CSMD1: variants seen among roughly 807,000 people sequenced by gnomAD.
CSMD1 encodes the protein CUB and Sushi multiple domains 1, also known as CUB and sushi domain-containing protein 1.
In CSMD1, 213 loss-of-function variants were observed where a neutral mutation model predicts 417.5. The ratio of observed to expected loss-of-function variants is 0.51; its 90% confidence interval spans 0.46 to 0.57. CSMD1 has a LOEUF of 0.57. Ranked by LOEUF, CSMD1 falls within the 20% of genes least tolerant of loss-of-function variation. CSMD1 has a pLI of 0.00. For synonymous variants in CSMD1, 2,862 were observed against 1,736.8 expected (o/e 1.65, Z -16.11); for missense variants, 6,923 against 4,529.7 (o/e 1.53, Z -15.17).
intron 2 of CSMD1, among the ~76,000 whole-genome samples, chr8:4,604,410 T>TGTGTGTGTGTGTGTGTGC (rs59349269): frequency 3.6e-4 from 53 of 146,226 alleles, no homozygotes; most frequent in African/African-American, 1.3e-3. Flanking sequence ...TGTGTGTGTG[T>TGTGTGTGTGTGTGTGTGC]GCGCGTGCGT....
Position 3,259,811 on chromosome 8 carries a change from G to T in CSMD1, c.4153+24333C>A, listed in dbSNP as rs188308855. ...ATCTGGCCCATCAGCTAGTATTGTA[G>T]CTTGAAAGCTAAGAATGGTTTTACA... On this transcript the variant is annotated intron_variant, in intron 26 of 69. Coordinates refer to ENST00000635120, the MANE Select transcript of CSMD1 (RefSeq NM_033225.6). Among the ~76,000 whole-genome samples the T allele has an allele frequency of 5.5e-3, 841 of 152,188 alleles. 4 individuals carry two copies. The highest frequency in any genetic ancestry group is 9.6e-3 in the Non-Finnish European group (650 of 68,008).
chr8:3,537,214 TAGTC>T (rs1422079616), intron 10 of CSMD1, among the ~76,000 whole-genome samples: 2 of 152,082 alleles, frequency 1.3e-5, no homozygotes. Flanking sequence ...TTGGCCAAGA[TAGTC>T]AGTCTCGATC....
chr8:3,905,894 T>G (rs1808074322), intron 5 of CSMD1, among the ~76,000 whole-genome samples: 1 of 152,170 alleles, frequency 6.6e-6, no homozygotes, highest in South Asian at 2.1e-4. Flanking sequence ...CTCTTACTAT[T>G]TATTTGCTCC....
chr8:4,966,013 A>G (rs1386923741), intron 1 of CSMD1, among the ~76,000 whole-genome samples: 8 of 152,126 alleles, frequency 5.3e-5, no homozygotes, highest in Non-Finnish European at 1.2e-4. Flanking sequence ...ACTGAAGGAT[A>G]CTTTATGATA....
chr8:3,598,808 T>C (rs1801216114), intron 8 of CSMD1, among the ~76,000 whole-genome samples: 1 of 152,030 alleles, frequency 6.6e-6, no homozygotes. Context: ...TTGGGCCAGG[T>C]GCAGTGACTC....
intron 60 of CSMD1, 137 bp downstream of exon 60, chr8:2,963,085 G>T: frequency 1.1e-6 from 1 of 928,850 alleles, no homozygotes; most frequent in Non-Finnish European, 1.6e-6. Flanking sequence ...ACAGTCTCAA[G>T]TTTGAGTTTT....
chr8:4,382,108 T>A (rs1318110253), intron 3 of CSMD1, among the ~76,000 whole-genome samples: 14 of 152,200 alleles, frequency 9.2e-5, no homozygotes, highest in Non-Finnish European at 2.1e-4. Flanking sequence ...CTGTAATTAA[T>A]ATAGAATGCA....
intron 5 of CSMD1, among the ~76,000 whole-genome samples, chr8:3,989,298 A>C (rs182196320): frequency 6.6e-6 from 1 of 152,338 alleles, no homozygotes; most frequent in East Asian, 1.9e-4. Context: ...CCAAGACTAC[A>C]GCCTAAGTCT....
intron 1 of CSMD1, among the ~76,000 whole-genome samples, chr8:4,954,997 A>T (rs6558947): frequency 0.35 from 53,607 of 152,200 alleles, 9,620 homozygotes; most frequent in Non-Finnish European, 0.39. Flanking sequence ...TGGGTTTTCA[A>T]TGTTCTTTCT....
chr8:3,740,343 T>G (rs1482195885), intron 6 of CSMD1, among the ~76,000 whole-genome samples: 1 of 152,222 alleles, frequency 6.6e-6, no homozygotes, highest in Non-Finnish European at 1.5e-5. Flanking sequence ...TTAACTCAAA[T>G]GATCCGCCTT....
intron 21 of CSMD1, among the ~76,000 whole-genome samples, chr8:3,354,889 G>GT: frequency 7.1e-6 from 1 of 140,928 alleles, no homozygotes; most frequent in East Asian, 2.1e-4. Flanking sequence ...CTATAGATAT[G>GT]TCTATCTATA....
rs73178376 is a variant in CSMD1, at chr8:4,147,378, C to G, written c.416-115279G>C. Among the ~76,000 whole-genome samples the G allele has an allele frequency of 5.3e-3, 801 of 152,202 alleles. 5 individuals carry two copies. The highest frequency in any genetic ancestry group is 0.014 in the Middle Eastern group (4 of 294). On this transcript the variant is annotated intron_variant, in intron 3 of 69. Coordinates refer to ENST00000635120, the MANE Select transcript of CSMD1 (RefSeq NM_033225.6). ...TCCCTCAGTCCTCAGTGGCTGTGCT[C>G]TCCTCCACACTGCCTTCCCCACATG...
intron 50 of CSMD1, among the ~76,000 whole-genome samples, chr8:3,034,898 G>T (rs1006687837): frequency 6.6e-6 from 1 of 152,166 alleles, no homozygotes; most frequent in African/African-American, 2.4e-5. Flanking sequence ...GAACATCACA[G>T]AAGGCAAAGC....
intron 3 of CSMD1, among the ~76,000 whole-genome samples, chr8:4,036,537 T>A (rs139060381): frequency 6.6e-6 from 1 of 152,314 alleles, no homozygotes; most frequent in African/African-American, 2.4e-5. Flanking sequence ...TAAAATTGAA[T>A]ATGAAAAATA....
intron 26 of CSMD1, among the ~76,000 whole-genome samples, chr8:3,238,616 A>C (rs1017842608): frequency 6.6e-6 from 1 of 152,066 alleles, no homozygotes; most frequent in Non-Finnish European, 1.5e-5. Flanking sequence ...TGGGGTTGTT[A>C]GAAGAAACAT....
chr8:3,516,803 C>A (rs949255853), intron 10 of CSMD1, among the ~76,000 whole-genome samples: 1 of 152,038 alleles, frequency 6.6e-6, no homozygotes, highest in Non-Finnish European at 1.5e-5. Context: ...TACCATTTGG[C>A]CCAACAATCC....
intron 11 of CSMD1, among the ~76,000 whole-genome samples, chr8:3,478,710 C>T (rs1475313770): frequency 2.0e-5 from 3 of 152,142 alleles, no homozygotes; most frequent in Non-Finnish European, 4.4e-5. Flanking sequence ...GACTACGCAG[C>T]ACCACAGCAA....
intron 1 of CSMD1, among the ~76,000 whole-genome samples, chr8:4,688,946 T>C (rs1806581148): frequency 6.6e-6 from 1 of 152,226 alleles, no homozygotes; most frequent in Non-Finnish European, 1.5e-5. Context: ...TTTCTTATTT[T>C]TCAAGAAATG....
intron 3 of CSMD1, among the ~76,000 whole-genome samples, chr8:4,130,096 G>C (rs1441756133): frequency 3.3e-5 from 5 of 152,082 alleles, no homozygotes; most frequent in South Asian, 2.1e-4. Flanking sequence ...AGGAGGGCTA[G>C]GGCTGCTCCA....
Sources: allele counts gnomAD v4.1 joint callset (sites outside exome capture counted in the v4.1 genomes callset), GRCh38; gene constraint gnomAD v4.1.1; transcripts MANE v1.5; gene names NCBI Gene and HGNC (gene_info 2026-07-23, HGNC 2026-07-21).